Variants in SV2B observed in about 807,000 individuals in gnomAD.
SV2B encodes the protein solute carrier family 22 member B2.
A neutral mutation model predicts 73.9 loss-of-function variants in SV2B; 41 were observed. The observed-to-expected ratio is 0.56, with a 90% confidence interval of 0.43 to 0.72. The LOEUF (loss-of-function observed/expected upper bound fraction) is 0.72. Among genes scored for constraint, SV2B ranks in the 30% least tolerant of loss-of-function variants. The probability of loss-of-function intolerance (pLI) is 0.00; values close to 1 mark genes in which losing one functional copy is unlikely to be tolerated. For missense variants in SV2B, 764 were observed against 857.8 expected (o/e 0.89, Z 1.37); for synonymous variants, 314 against 314.2 (o/e 1.00, Z 0.01).
Position 91,297,911 on chromosome 15 carries a change from CT to C in SV2B, c.*5360del, listed in dbSNP as rs1323076542. On this transcript the variant is annotated 3_prime_UTR_variant, in exon 13 of 13. Transcript: ENST00000394232. This position sits in a 1 kb window ranked among gnomAD's most constrained non-coding sequence, Gnocchi z 5.1. The stretch of plus-strand genomic sequence containing the variant: ...CTCAGCAGAGGTTGAACCCTTTCCC[CT>C]GGGGGTTGGTGATCTTTGTTTTGGC... The C allele has an allele frequency of 6.6e-6, 1 of 152,302 alleles. No individual in the cohort carries two copies. Among genetic ancestry groups the C allele is most frequent in the Admixed American group, 6.5e-5 (1 of 15,290 alleles). The allele number at this position is 152,302 out of a possible 1,614,324, so 9.4% of individuals were successfully genotyped here.
chr15:91,272,864 A>C, intron 9 of SV2B, among the ~76,000 whole-genome samples: 1 of 119,146 alleles, frequency 8.4e-6, no homozygotes, highest in Non-Finnish European at 1.6e-5. Flanking sequence ...ATGGAGTCTC[A>C]CTCTGTCTCC....
intron 1 of SV2B, among the ~76,000 whole-genome samples, chr15:91,138,118 C>G (rs946090961): frequency 6.6e-6 from 1 of 152,240 alleles, no homozygotes; most frequent in East Asian, 1.9e-4. Flanking sequence ...TATGAAGTAG[C>G]CTTGACCCCC....
Position 91,265,265 on chromosome 15 carries a change from A to C in SV2B, c.1009-1317A>C, listed in dbSNP as rs1487873059. Among the ~76,000 whole-genome samples, 1 of 152,210 alleles carries C rather than the reference A, an allele frequency of 6.6e-6. No individual in the cohort carries two copies. Among genetic ancestry groups the C allele is most frequent in the Non-Finnish European group, 1.5e-5 (1 of 68,034 alleles). On this transcript the variant is annotated intron_variant, in intron 6 of 12. Transcript: ENST00000394232. This position sits in a 1 kb window ranked among gnomAD's most constrained non-coding sequence, Gnocchi z 4.2. ...TTACCAGCCCTGTTGGCTGCCTCACAAACTCACAGTGAAACCTTTGGAAGG... is the reference window on the plus strand; with the variant it reads ...TTACCAGCCCTGTTGGCTGCCTCACCAACTCACAGTGAAACCTTTGGAAGG...
In SV2B at chr15:91,128,516, C is replaced by A. The variant is rs1267390419; in HGVS notation, c.-392+28153C>A. Among the ~76,000 whole-genome samples the A allele has an allele frequency of 6.6e-6, 1 of 152,168 alleles. No individual in the cohort carries two copies. Among genetic ancestry groups the A allele is most frequent in the Admixed American group, 6.5e-5 (1 of 15,276 alleles). Reference sequence around the variant, plus strand: ...CCTCAGAAGCGAAAGTGTTTTTCTCCTCCCCGTCTGTCTCTCAGTCCCAGT... The same window carrying A: ...CCTCAGAAGCGAAAGTGTTTTTCTCATCCCCGTCTGTCTCTCAGTCCCAGT... On this transcript the variant is annotated intron_variant, in intron 1 of 12. Transcript: ENST00000394232. This position sits in a 1 kb window ranked among gnomAD's most constrained non-coding sequence, Gnocchi z 4.2.
Position 91,268,548 on chromosome 15 carries a change from C to A in SV2B, c.1316C>A (p.Thr439Lys), listed in dbSNP as rs757447552. The A allele has an allele frequency of 3.1e-6, 5 of 1,613,878 alleles. No individual in the cohort carries two copies. Among genetic ancestry groups the A allele is most frequent in the South Asian group, 1.1e-5 (1 of 91,046 alleles). The change falls in exon 9 of 13, where the codon ACA (threonine) becomes AAA (lysine). Residue 439 changes from threonine to lysine, a missense_variant. By Grantham distance (78) the Thr-to-Lys change is moderately conservative. Coordinates refer to ENST00000394232, the MANE Select transcript of SV2B (RefSeq NM_001323032.3). This position sits in a 1 kb window ranked among gnomAD's most constrained non-coding sequence, Gnocchi z 4.4. Reference sequence around the variant, plus strand: ...TTTGGTGAGCATGTGTACGGCGCCACAATCAACTTCACGATGGAAAATCAG... The same window carrying A: ...TTTGGTGAGCATGTGTACGGCGCCAAAATCAACTTCACGATGGAAAATCAG... ...VFFGEHVYGA[T>K]INFTMENQIH...
chr15:91,204,538 T>G (rs993253343), intron 1 of SV2B, among the ~76,000 whole-genome samples: 10 of 151,544 alleles, frequency 6.6e-5, no homozygotes, highest in African/African-American at 2.4e-4. Context: ...GCCACTTATT[T>G]CTTTTCTTCT....
rs375131039 is a variant in SV2B, at chr15:91,135,972, G to A, written c.-392+35609G>A. 1.1e-4 allele frequency among the ~76,000 whole-genome samples: 16 copies of A among 152,038 alleles called. 1 individual carries two copies. Among genetic ancestry groups the A allele is most frequent in the East Asian group, 5.8e-4 (3 of 5,190 alleles). On this transcript the variant is annotated intron_variant, in intron 1 of 12. Coordinates refer to ENST00000394232, the MANE Select transcript of SV2B (RefSeq NM_001323032.3). ...TTGCAGGAGGGCAAGAGAACCACACGATTGCAGCTTTCTCCCACTGCCTCT... is the reference window on the plus strand; with the variant it reads ...TTGCAGGAGGGCAAGAGAACCACACAATTGCAGCTTTCTCCCACTGCCTCT...
intron 1 of SV2B, among the ~76,000 whole-genome samples, chr15:91,221,693 G>GCGCGCGCGCGCACACACACACACA (rs370290337): frequency 3.3e-4 from 46 of 140,152 alleles, no homozygotes; most frequent in African/African-American, 1.3e-3. Context: ...AAGCATGTGC[G>GCGCGCGCGCGCACACACACACACA]CACACACACA....
intron 9 of SV2B, among the ~76,000 whole-genome samples, chr15:91,276,785 G>C (rs1293907997): frequency 7.1e-6 from 1 of 139,986 alleles, no homozygotes; most frequent in African/African-American, 2.9e-5. Context: ...GATAGTTCCA[G>C]TATTTATATT....
In SV2B at chr15:91,267,467, T is replaced by C; in HGVS notation, c.1120-88T>C. The C allele has an allele frequency of 8.3e-7, 1 of 1,203,642 alleles. No homozygotes were observed. Among genetic ancestry groups the C allele is most frequent in the South Asian group, 1.3e-5 (1 of 76,644 alleles). 74.6% of individuals were successfully genotyped at this position (1,203,642 alleles called of 1,614,324 possible). A position where few individuals can be genotyped will look rare whatever the true frequency, so the allele number is the denominator to read the frequency against. ...TCTCCATGGGTTCCTAGGCAACTTA[T>C]TAGAATATCTGAGTAATGAGCTCTT... On this transcript the variant is annotated intron_variant, in intron 7 of 12. Coordinates refer to ENST00000394232, the MANE Select transcript of SV2B (RefSeq NM_001323032.3). The surrounding 1 kb of genome is among the most constrained non-coding windows in gnomAD (Gnocchi z 4.3).
intron 1 of SV2B, among the ~76,000 whole-genome samples, chr15:91,163,716 C>G (rs1219215362): frequency 3.3e-5 from 5 of 152,140 alleles, no homozygotes; most frequent in African/African-American, 9.7e-5. Context: ...TGAAGGTTGC[C>G]TGTTCACTCT....
At position 91,106,620 on chromosome 15, in the gene SV2B, G is replaced by A. The variant is rs2041891072; in HGVS notation, c.-392+6257G>A. Among the ~76,000 whole-genome samples the A allele has an allele frequency of 6.6e-6, 1 of 152,108 alleles. No individual in the cohort carries two copies. The highest frequency in any genetic ancestry group is 2.4e-5 in the African/African-American group (1 of 41,412). The stretch of plus-strand genomic sequence containing the variant: ...TTATATCATACGGAAAGCAACGTGT[G>A]GTGACAAGAAAGAAAGAGGAACAAG... On this transcript the variant is annotated intron_variant, in intron 1 of 12. Coordinates refer to ENST00000394232, the MANE Select transcript of SV2B (RefSeq NM_001323032.3). This position sits in a 1 kb window ranked among gnomAD's most constrained non-coding sequence, Gnocchi z 4.4.
intron 1 of SV2B, among the ~76,000 whole-genome samples, chr15:91,102,605 TGAGA>T (rs913770150): frequency 1.3e-5 from 2 of 152,092 alleles, no homozygotes; most frequent in African/African-American, 2.4e-5. Flanking sequence ...CTTAAATTAA[TGAGA>T]GAGTGTGTGT....
chr15:91,255,251 G>C (rs1227340032), intron 4 of SV2B, among the ~76,000 whole-genome samples: 1 of 152,230 alleles, frequency 6.6e-6, no homozygotes, highest in African/African-American at 2.4e-5. Context: ...ACATAGATGG[G>C]ATGTCCATGG....
In SV2B at chr15:91,137,779, G is replaced by T. The variant is rs181947880; in HGVS notation, c.-392+37416G>T. Among the ~76,000 whole-genome samples, 22 of 151,676 alleles carry T rather than the reference G, an allele frequency of 1.5e-4. No homozygotes were observed. Among genetic ancestry groups the T allele is most frequent in the Non-Finnish European group, 2.9e-4 (20 of 67,944 alleles). On this transcript the variant is annotated intron_variant, in intron 1 of 12. Coordinates refer to ENST00000394232, the MANE Select transcript of SV2B (RefSeq NM_001323032.3). This position sits in a 1 kb window ranked among gnomAD's most constrained non-coding sequence, Gnocchi z 4.9. ...TATGTTTAACCTGTAGGTTTATAATGGTGCTCAGAATAGAACACCTCACTG... is the reference window on the plus strand; with the variant it reads ...TATGTTTAACCTGTAGGTTTATAATTGTGCTCAGAATAGAACACCTCACTG...
rs28759357 is a variant in SV2B, at chr15:91,274,646, A to G, written c.1373+6041A>G. Among the ~76,000 whole-genome samples the G allele has an allele frequency of 8.2e-3, 1,251 of 152,302 alleles. 16 individuals carry two copies. The highest frequency in any genetic ancestry group is 0.031 in the Middle Eastern group (9 of 294). On this transcript the variant is annotated intron_variant, in intron 9 of 12. Transcript: ENST00000394232. ...AAGTCCTCCTTTTTTGTACTAATAC[A>G]ATTTCCATTAATATTCACTCTTCAT...
At position 91,129,536 on chromosome 15, in the gene SV2B, G is replaced by C. The variant is rs968901464; in HGVS notation, c.-392+29173G>C. On this transcript the variant is annotated intron_variant, in intron 1 of 12. Transcript: ENST00000394232. The surrounding 1 kb of genome is among the most constrained non-coding windows in gnomAD (Gnocchi z 5.1). The stretch of plus-strand genomic sequence containing the variant: ...CCTAGTGCATGGATGAAGCTGCAAG[G>C]GTGGACAGAACCAAAACAGAAGGTC... Among the ~76,000 whole-genome samples the C allele has an allele frequency of 6.6e-6, 1 of 152,162 alleles. No individual in the cohort carries two copies. Among genetic ancestry groups the C allele is most frequent in the Non-Finnish European group, 1.5e-5 (1 of 68,030 alleles).
At chr15:91,175,141 T>G (rs757758216) in intron 1 of SV2B, among the ~76,000 whole-genome samples, 54 of 152,260 alleles carry the variant, frequency 3.5e-4, no homozygotes, top group Non-Finnish European at 6.8e-4. Context: ...AAATGTAATC[T>G]GCCTGCCTTT....
At chr15:91,188,547 C>T (rs2044870563) in intron 1 of SV2B, among the ~76,000 whole-genome samples, 1 of 151,998 alleles carries the variant, frequency 6.6e-6, no homozygotes, top group African/African-American at 2.4e-5. Flanking sequence ...GATCTTCTGA[C>T]CTCGTGATCC....
Sources: allele counts gnomAD v4.1 joint callset (sites outside exome capture counted in the v4.1 genomes callset), GRCh38; gene constraint gnomAD v4.1.1; non-coding constraint Gnocchi (gnomAD v3.1); transcripts MANE v1.5; gene names NCBI Gene and HGNC (gene_info 2026-07-23, HGNC 2026-07-21).